The following TFDP2 variants were observed in gnomAD, a reference collection of about 807,000 sequenced individuals.
TFDP2 encodes the protein transcription factor Dp-2, also known as transcription factor Dp-2 (E2F dimerization partner 2).
In TFDP2, 17 loss-of-function variants were observed where a neutral mutation model predicts 59.3. The ratio of observed to expected loss-of-function variants is 0.29; its 90% CI spans 0.20 to 0.43. The LOEUF (loss-of-function observed/expected upper bound fraction) is 0.43, where lower values mean the gene tolerates loss of function less well. Among genes scored for constraint, TFDP2 ranks in the 20% least tolerant of loss-of-function variants. The probability of loss-of-function intolerance (pLI) is 1.00; values close to 1 mark genes in which losing one functional copy is unlikely to be tolerated. For missense variants in TFDP2, 391 were observed against 528.8 expected (o/e 0.74, Z 2.56); for synonymous variants, 180 against 194.7 (o/e 0.92, Z 0.63).
At chr3:142,057,239 T>C (rs1401626908) in intron 3 of TFDP2, among the ~76,000 whole-genome samples, 1 of 152,222 alleles carries the variant, frequency 6.6e-6, no homozygotes, top group Non-Finnish European at 1.5e-5. Flanking sequence ...GTATTAGCTA[T>C]AGCATGTCCT....
At chr3:141,997,562 A>C (rs563597780) in intron 4 of TFDP2, among the ~76,000 whole-genome samples, 9 of 152,090 alleles carry the variant, frequency 5.9e-5, no homozygotes, top group Non-Finnish European at 1.0e-4. Context: ...GTAGAAAAAA[A>C]AAAGGAGCTG....
At chr3:142,141,058 C>T (rs1275344103) in intron 1 of TFDP2, among the ~76,000 whole-genome samples, 1 of 152,194 alleles carries the variant, frequency 6.6e-6, no homozygotes, top group East Asian at 1.9e-4. Context: ...TGTTTACCTA[C>T]TCAAGCCTCA....
intron 6 of TFDP2, among the ~76,000 whole-genome samples, chr3:141,983,203 C>T (rs773281353): frequency 7.2e-5 from 11 of 152,164 alleles, no homozygotes; most frequent in Non-Finnish European, 1.6e-4. Flanking sequence ...ACCTGCCATA[C>T]ACAGATGAGA....
At chr3:142,049,871 G>A (rs940096715) in intron 3 of TFDP2, among the ~76,000 whole-genome samples, 1 of 152,054 alleles carries the variant, frequency 6.6e-6, no homozygotes, top group East Asian at 1.9e-4. Flanking sequence ...AAATATTTAG[G>A]GATAAATCTA....
intron 1 of TFDP2, among the ~76,000 whole-genome samples, chr3:142,136,410 A>G (rs2062739933): frequency 6.6e-6 from 1 of 152,074 alleles, no homozygotes; most frequent in Non-Finnish European, 1.5e-5. Context: ...TGCCGTGCAG[A>G]AGCTCTTTAG....
At chr3:142,049,890 G>A (rs1041135151) in intron 3 of TFDP2, among the ~76,000 whole-genome samples, 3 of 152,118 alleles carry the variant, frequency 2.0e-5, no homozygotes, top group Non-Finnish European at 4.4e-5. Context: ...TAACAAAATT[G>A]TACAAGAGTT....
rs149355424 is a variant in TFDP2 at position 142,005,314 on chromosome 3, C to T, written c.186+127G>A. 6.8e-4 allele frequency: 467 copies of T among 691,168 alleles called. 1 individual carries two copies. In the African/African-American group the frequency reaches 7.8e-3, roughly 11 times the overall value. The allele number at this position is 691,168 out of a possible 1,614,324, so 42.8% of individuals were successfully genotyped here. On this transcript the variant is annotated intron_variant, in intron 4 of 12. Coordinates refer to ENST00000489671, the MANE Select transcript of TFDP2 (RefSeq NM_001178139.2). ...TCGGCCTCCCAAAGTGTTGGGATTA[C>T]AGGAGTGAGCCACCTACCGCGCCTG...
intron 1 of TFDP2, among the ~76,000 whole-genome samples, chr3:142,105,278 T>C (rs1296263693): frequency 1.3e-5 from 2 of 152,136 alleles, no homozygotes; most frequent in Non-Finnish European, 2.9e-5. Flanking sequence ...CTACCCAATA[T>C]CATTTTCCTC....
At chr3:142,055,703 T>A (rs1487003019) in intron 3 of TFDP2, among the ~76,000 whole-genome samples, 1 of 152,136 alleles carries the variant, frequency 6.6e-6, no homozygotes, top group Non-Finnish European at 1.5e-5. Context: ...TTTATCATTT[T>A]TTTTCCTGCT....
intron 1 of TFDP2, among the ~76,000 whole-genome samples, chr3:142,113,890 C>A (rs999941486): frequency 6.6e-6 from 1 of 152,036 alleles, no homozygotes; most frequent in African/African-American, 2.4e-5. Context: ...TAGGGCCGGG[C>A]GGGGTGGCTC....
intron 3 of TFDP2, among the ~76,000 whole-genome samples, chr3:142,092,850 A>T (rs1187484589): frequency 1.3e-5 from 2 of 152,232 alleles, no homozygotes; most frequent in Non-Finnish European, 2.9e-5. Context: ...GGGATCTTAG[A>T]GATCTCTTAG....
chr3:142,098,247 T>G (rs563378670), intron 2 of TFDP2, among the ~76,000 whole-genome samples: 14 of 150,774 alleles, frequency 9.3e-5, no homozygotes, highest in African/African-American at 3.4e-4. Flanking sequence ...TACATGTTTT[T>G]CTTAAAGATT....
intron 7 of TFDP2, among the ~76,000 whole-genome samples, chr3:141,975,725 G>A (rs917165537): frequency 6.7e-6 from 1 of 150,340 alleles, no homozygotes; most frequent in Admixed American, 6.6e-5. Context: ...TCTTGACCCT[G>A]TAGAAACAAT....
intron 3 of TFDP2, among the ~76,000 whole-genome samples, chr3:142,053,651 G>A (rs1020873568): frequency 2.0e-5 from 3 of 152,126 alleles, no homozygotes; most frequent in Non-Finnish European, 4.4e-5. Flanking sequence ...AGAACCTCAT[G>A]AGCTTTCTAA....
chr3:142,046,354 T>G (rs1947346670), intron 3 of TFDP2, among the ~76,000 whole-genome samples: 1 of 152,196 alleles, frequency 6.6e-6, no homozygotes, highest in Non-Finnish European at 1.5e-5. Context: ...TTAATCTGTG[T>G]GTCTGTCTAA....
At chr3:142,149,071 T>TGGGGGAACAA in intron 1 of TFDP2, 112 bp downstream of exon 1, 1 of 394,134 alleles carries the variant, frequency 2.5e-6, no homozygotes, top group Non-Finnish European at 4.5e-6. Flanking sequence ...ATGGGACTCG[T>TGGGGGAACAA]GGGGGAACAA....
intron 3 of TFDP2, among the ~76,000 whole-genome samples, chr3:142,009,321 A>G (rs990622450): frequency 6.6e-6 from 1 of 152,218 alleles, no homozygotes; most frequent in Admixed American, 6.5e-5. Flanking sequence ...AAATCAATTT[A>G]AACAGCAGGT....
At chr3:142,042,106 G>T (rs975909713) in intron 3 of TFDP2, among the ~76,000 whole-genome samples, 1 of 152,064 alleles carries the variant, frequency 6.6e-6, no homozygotes, top group Admixed American at 6.6e-5. Flanking sequence ...CTTAGATATG[G>T]TTTTTGACAA....
chr3:142,116,350 C>T (rs1186492164), intron 1 of TFDP2, among the ~76,000 whole-genome samples: 1 of 152,124 alleles, frequency 6.6e-6, no homozygotes, highest in Non-Finnish European at 1.5e-5. Flanking sequence ...CAGGTGTGAG[C>T]CAGAGTCCAG....
Sources: gnomAD v4.1 joint callset for allele counts (sites outside exome capture counted in the v4.1 genomes callset) on GRCh38, gnomAD v4.1.1 for gene constraint, MANE v1.5 for transcripts, NCBI Gene and HGNC (gene_info 2026-07-23, HGNC 2026-07-21) for gene names.